PRPS1L1: variants seen among roughly 807,000 people sequenced by gnomAD.
The protein encoded by PRPS1L1 is phosphoribosyl pyrophosphate synthetase 1 like 1.
In PRPS1L1, 12 loss-of-function variants were observed where a neutral mutation model predicts 16.4. The observed-to-expected ratio is 0.73, with a 90% CI of 0.47 to 1.19. The LOEUF (loss-of-function observed/expected upper bound fraction) is 1.19. Ranked by LOEUF, PRPS1L1 falls within the 50% of genes most tolerant of loss-of-function variation. The probability of loss-of-function intolerance (pLI) is 0.00; values close to 1 mark genes in which losing one functional copy is unlikely to be tolerated. For synonymous variants in PRPS1L1, 153 were observed against 142.5 expected (o/e 1.07, Z -0.53); for missense variants, 408 against 395.8 (o/e 1.03, Z -0.26).
chr7:18,027,640 A>G lies in PRPS1L1; in HGVS notation c.143T>C (p.Val48Ala). The change falls in exon 1 of 1, where the codon GTG (valine) becomes GCG (alanine). Residue 48 changes from valine (V) to alanine (A), a missense_variant. Transcript: ENST00000506618. ...AACGATGTAGACATCCTCTCCACGC[A>G]CACTCTCATCAATTTCCACGCAGGT... 3 of 1,614,034 alleles carry G rather than the reference A, an allele frequency of 1.9e-6. No individual in the cohort carries two copies. The South Asian group carries it at 3.3e-5, about 18-fold the overall frequency.
At position 18,027,128 on chromosome 7, in the gene PRPS1L1, C is replaced by G. The variant is rs1274261360; in HGVS notation, c.655G>C (p.Val219Leu). 3.1e-6 allele frequency: 5 copies of G among 1,614,130 alleles called. No individual in the cohort carries two copies. Among genetic ancestry groups the G allele is most frequent in the Non-Finnish European group, 4.2e-6 (5 of 1,180,046 alleles). The change falls in exon 1 of 1, where the codon GTA (valine) becomes CTA (leucine). Residue 219 changes from valine (V) to leucine (L), a missense_variant. Val to Leu is a conservative substitution (Grantham distance 32). Transcript: ENST00000506618. ...ACACAAGTGTCTGCCATGTCATCTA[C>G]AAGGATAGCCACACGATCATTCACA...
Position 18,027,838 on chromosome 7 carries a change from A to G in PRPS1L1, c.-56T>C, listed in dbSNP as rs1406774428. The G allele has an allele frequency of 1.3e-6, 2 of 1,538,908 alleles. No individual in the cohort carries two copies. The highest frequency in any genetic ancestry group is 2.8e-5 in the African/African-American group (2 of 70,432). ...GCGATCCAGCTGCCGCTGAGGCTGG[A>G]ACGGAAGTGAAGCACAGACTCTAAT... On this transcript the variant is annotated 5_prime_UTR_variant, in exon 1 of 1. Transcript: ENST00000506618.
At position 18,027,146 on chromosome 7, in the gene PRPS1L1, C is replaced by A; in HGVS notation, c.637G>T (p.Asp213Tyr). Reference sequence around the variant, plus strand: ...TCATCTACAAGGATAGCCACACGATCATTCACATCTCCCACTAGCACTATG... The same window carrying A: ...TCATCTACAAGGATAGCCACACGATAATTCACATCTCCCACTAGCACTATG... Residue 213 changes from aspartate to tyrosine, a missense_variant, in exon 1 of 1, where the codon GAT becomes TAT. Coordinates refer to ENST00000506618, the MANE Select transcript of PRPS1L1 (RefSeq NM_175886.3). 6.8e-6 allele frequency: 11 copies of A among 1,614,240 alleles called. No homozygotes were observed. The highest frequency in any genetic ancestry group is 9.3e-6 in the Non-Finnish European group (11 of 1,180,042).
rs774012362 is a variant in PRPS1L1, at chr7:18,027,540, T to C, written c.243A>G (p.Ser81=). Residue 81 remains serine, a synonymous_variant, in exon 1 of 1, where the codon TCA becomes TCG. Coordinates refer to ENST00000506618, the MANE Select transcript of PRPS1L1 (RefSeq NM_175886.3). Reference sequence around the variant, plus strand: ...GGATGACTGCAGTAACTCGGCTAGCTGAAGCAATCTTGCAGGCATTAATCA... The same window carrying C: ...GGATGACTGCAGTAACTCGGCTAGCCGAAGCAATCTTGCAGGCATTAATCA... The C allele has an allele frequency of 3.1e-6, 5 of 1,614,074 alleles. No individual in the cohort carries two copies. Among genetic ancestry groups the C allele is most frequent in the Non-Finnish European group, 4.2e-6 (5 of 1,180,044 alleles).
chr7:18,027,341 C>G lies in PRPS1L1; in HGVS notation c.442G>C (p.Glu148Gln). The G allele has an allele frequency of 6.2e-7, 1 of 1,614,034 alleles. No individual in the cohort carries two copies. The highest frequency in any genetic ancestry group is 8.5e-7 in the Non-Finnish European group (1 of 1,179,990). Residue 148 changes from glutamate to glutamine, a missense_variant, in exon 1 of 1, where the codon GAG (glutamate) becomes CAG (glutamine). Glu to Gln is a conservative substitution (Grantham distance 29, BLOSUM62 2). Transcript: ENST00000506618. ...CTTATCCACTTCAGGACAGTTGGCTCTGCATACAAGTTGTCTACTGGGATA... is the reference window on the plus strand; with the variant it reads ...CTTATCCACTTCAGGACAGTTGGCTGTGCATACAAGTTGTCTACTGGGATA...
Position 18,026,945 on chromosome 7 carries a change from T to G in PRPS1L1, c.838A>C (p.Lys280Gln). The change falls in exon 1 of 1, where the codon AAG becomes CAG. Residue 280 changes from lysine (K) to glutamine (Q), a missense_variant. Coordinates refer to ENST00000506618, the MANE Select transcript of PRPS1L1 (RefSeq NM_175886.3). Reference sequence around the variant, plus strand: ...CGTATTTTGGAGCAATGCTTCATCTTCTCATCTTGAGGTATGGTATTGGTG... The same window carrying G: ...CGTATTTTGGAGCAATGCTTCATCTGCTCATCTTGAGGTATGGTATTGGTG... 3 of 1,614,200 alleles carry G rather than the reference T, an allele frequency of 1.9e-6. No individual in the cohort carries two copies. The highest frequency in any genetic ancestry group is 2.5e-6 in the Non-Finnish European group (3 of 1,180,018).
chr7:18,026,878 C>A lies in PRPS1L1; in HGVS notation c.905G>T (p.Arg302Ile). The stretch of plus-strand genomic sequence containing the variant: ...GGAAACAGATTCCCCATTATGAGTT[C>A]TCCTTATGGCTTCTGCAAGGATCAT... The change falls in exon 1 of 1, where the codon AGA (arginine) becomes ATA (isoleucine). Residue 302 changes from arginine to isoleucine, a missense_variant. Transcript: ENST00000506618. The A allele has an allele frequency of 1.2e-6, 2 of 1,613,072 alleles. No homozygotes were observed. Among genetic ancestry groups the A allele is most frequent in the East Asian group, 2.2e-5 (1 of 44,880 alleles).
rs1019886323 is a variant in PRPS1L1, at chr7:18,027,415, T to C, written c.368A>G (p.His123Arg). The C allele has an allele frequency of 3.1e-6, 5 of 1,614,116 alleles. No homozygotes were observed. The highest frequency in any genetic ancestry group is 2.2e-5 in the East Asian group (1 of 44,894). Residue 123 changes from histidine to arginine, a missense_variant, in exon 1 of 1, where the codon CAT (histidine) becomes CGT (arginine). Physicochemically the swap from His to Arg is conservative, Grantham distance 29. Coordinates refer to ENST00000506618, the MANE Select transcript of PRPS1L1 (RefSeq NM_175886.3). ...AGCATGTAGGTCCATGGTGATGATA[T>C]GATCCGCACCTGCTATAGAGAGCAT...
In PRPS1L1 at chr7:18,027,061, GC is replaced by G; in HGVS notation, c.721del (p.Ala241GlnfsTer8). 1.2e-6 allele frequency: 2 copies of G among 1,614,234 alleles called. No homozygotes were observed. Among genetic ancestry groups the G allele is most frequent in the African/African-American group, 2.7e-5 (2 of 75,064 alleles). On this transcript the variant is annotated frameshift_variant, in exon 1 of 1. Coordinates refer to ENST00000506618, the MANE Select transcript of PRPS1L1 (RefSeq NM_175886.3). LOFTEE classifies it high-confidence loss of function. Reference sequence around the variant, plus strand: ...AGTCAAGATAGCATAAACTCTGGTTGCTCCAGCTGAGAGAAGTTTGTCAGCT... The same window carrying G: ...AGTCAAGATAGCATAAACTCTGGTTGTCCAGCTGAGAGAAGTTTGTCAGCT...
In PRPS1L1 at chr7:18,027,147, A is replaced by T; in HGVS notation, c.636T>A (p.Asn212Lys). ...CATCTACAAGGATAGCCACACGATC[A>T]TTCACATCTCCCACTAGCACTATGC... Residue 212 changes from asparagine to lysine, a missense_variant, in exon 1 of 1, where the codon AAT becomes AAA. Physicochemically the swap from Asn to Lys is moderately conservative, Grantham distance 94 (BLOSUM62 0). Transcript: ENST00000506618. 1 of 1,614,254 alleles carries T rather than the reference A, an allele frequency of 6.2e-7. No individual in the cohort carries two copies. Among genetic ancestry groups the T allele is most frequent in the Non-Finnish European group, 8.5e-7 (1 of 1,180,044 alleles).
rs1278849971 is a variant in PRPS1L1, at chr7:18,027,274, G to A, written c.509C>T (p.Pro170Leu). The A allele has an allele frequency of 6.2e-7, 1 of 1,614,180 alleles. No homozygotes were observed. The highest frequency in any genetic ancestry group is 1.7e-5 in the Admixed American group (1 of 60,022). Residue 170 changes from proline to leucine, a missense_variant, in exon 1 of 1, where the codon CCA becomes CTA. Transcript: ENST00000506618. ...CACTCTTTTAGCTCCACCAGCATCT[G>A]GCGAGACAATAATGCAGTTCTTCCA... is the stretch of plus-strand genomic sequence containing the variant.
chr7:18,027,143 G>A lies in PRPS1L1; in HGVS notation c.640C>T (p.Arg214Cys), dbSNP rs768761052. Residue 214 changes from arginine to cysteine, a missense_variant, in exon 1 of 1, where the codon CGT (arginine) becomes TGT (cysteine). Coordinates refer to ENST00000506618, the MANE Select transcript of PRPS1L1 (RefSeq NM_175886.3). Reference sequence around the variant, plus strand: ...ATGTCATCTACAAGGATAGCCACACGATCATTCACATCTCCCACTAGCACT... The same window carrying A: ...ATGTCATCTACAAGGATAGCCACACAATCATTCACATCTCCCACTAGCACT... The A allele has an allele frequency of 4.3e-6, 7 of 1,614,202 alleles. No individual in the cohort carries two copies. Among genetic ancestry groups the A allele is most frequent in the Admixed American group, 1.7e-5 (1 of 60,020 alleles).
chr7:18,027,163 A>G lies in PRPS1L1; in HGVS notation c.620T>C (p.Leu207Pro). ...CACACGATCATTCACATCTCCCACT[A>G]GCACTATGCAGTCCACTTCATTGGC... Residue 207 changes from leucine to proline, a missense_variant, in exon 1 of 1, where the codon CTA becomes CCA. By Grantham distance (98) the Leu-to-Pro change is moderately conservative. Coordinates refer to ENST00000506618, the MANE Select transcript of PRPS1L1 (RefSeq NM_175886.3). 6.2e-7 allele frequency: 1 copy of G among 1,614,242 alleles called. No individual in the cohort carries two copies. The highest frequency in any genetic ancestry group is 8.5e-7 in the Non-Finnish European group (1 of 1,180,044).
Position 18,027,164 on chromosome 7 carries a change from G to A in PRPS1L1, c.619C>T (p.Leu207=). ...ACACGATCATTCACATCTCCCACTA[G>A]CACTATGCAGTCCACTTCATTGGCC... Residue 207 remains leucine, a synonymous_variant, in exon 1 of 1, where the codon CTA becomes TTA. Coordinates refer to ENST00000506618, the MANE Select transcript of PRPS1L1 (RefSeq NM_175886.3). 6.2e-7 allele frequency: 1 copy of A among 1,614,216 alleles called. No individual in the cohort carries two copies. The highest frequency in any genetic ancestry group is 8.5e-7 in the Non-Finnish European group (1 of 1,180,050).
rs948237895 is a variant in PRPS1L1, at chr7:18,027,276, C to G, written c.507G>C (p.Ser169=). The G allele has an allele frequency of 6.2e-7, 1 of 1,614,178 alleles. No individual in the cohort carries two copies. Among genetic ancestry groups the G allele is most frequent in the Non-Finnish European group, 8.5e-7 (1 of 1,180,032 alleles). The change falls in exon 1 of 1, where the codon TCG becomes TCC. Residue 169 remains serine (S), a synonymous_variant. Transcript: ENST00000506618. ...CTCTTTTAGCTCCACCAGCATCTGG[C>G]GAGACAATAATGCAGTTCTTCCACT...
chr7:18,026,936 G>A lies in PRPS1L1; in HGVS notation c.847C>T (p.His283Tyr), dbSNP rs1345972445. 6.2e-7 allele frequency: 1 copy of A among 1,614,160 alleles called. No homozygotes were observed. Among genetic ancestry groups the A allele is most frequent in the Admixed American group, 1.7e-5 (1 of 60,032 alleles). The change falls in exon 1 of 1, where the codon CAT becomes TAT. Residue 283 changes from histidine to tyrosine, a missense_variant. Transcript: ENST00000506618. ...TCAATTACTCGTATTTTGGAGCAAT[G>A]CTTCATCTTCTCATCTTGAGGTATG...
At position 18,026,838 on chromosome 7, in the gene PRPS1L1, A is replaced by G; in HGVS notation, c.945T>C (p.His315=). 6.3e-7 allele frequency: 1 copy of G among 1,594,512 alleles called. No individual in the cohort carries two copies. The highest frequency in any genetic ancestry group is 2.2e-5 in the East Asian group (1 of 44,744). The change falls in exon 1 of 1, where the codon CAT becomes CAC. Residue 315 remains histidine, a synonymous_variant. Coordinates refer to ENST00000506618, the MANE Select transcript of PRPS1L1 (RefSeq NM_175886.3). Reference sequence around the variant, plus strand: ...AGAAGTTATTCTGTTATAAAGGAACATGGCTGAACAGGTAGGAAACAGATT... The same window carrying G: ...AGAAGTTATTCTGTTATAAAGGAACGTGGCTGAACAGGTAGGAAACAGATT...
chr7:18,027,539 C>G lies in PRPS1L1; in HGVS notation c.244G>C (p.Ala82Pro). ...GGGATGACTGCAGTAACTCGGCTAG[C>G]TGAAGCAATCTTGCAGGCATTAATC... Residue 82 changes from alanine to proline, a missense_variant, in exon 1 of 1, where the codon GCT (alanine) becomes CCT (proline). Physicochemically the swap from Ala to Pro is conservative, Grantham distance 27 (BLOSUM62 -1). Coordinates refer to ENST00000506618, the MANE Select transcript of PRPS1L1 (RefSeq NM_175886.3). 1 of 1,614,164 alleles carries G rather than the reference C, an allele frequency of 6.2e-7. No homozygotes were observed. The highest frequency in any genetic ancestry group is 8.5e-7 in the Non-Finnish European group (1 of 1,180,044).
rs1488175918 is a variant in PRPS1L1, at chr7:18,027,183, A to T, written c.600T>A (p.Asn200Lys). Residue 200 changes from asparagine (N) to lysine (K), a missense_variant, in exon 1 of 1, where the codon AAT (asparagine) becomes AAA (lysine). By Grantham distance (94) the Asn-to-Lys change is moderately conservative (BLOSUM62 0). Coordinates refer to ENST00000506618, the MANE Select transcript of PRPS1L1 (RefSeq NM_175886.3). ...CCACTAGCACTATGCAGTCCACTTC[A>T]TTGGCCTTCTTCCGTTCTTTATGAA... The T allele has an allele frequency of 6.2e-7, 1 of 1,614,130 alleles. No individual in the cohort carries two copies. Among genetic ancestry groups the T allele is most frequent in the Non-Finnish European group, 8.5e-7 (1 of 1,180,052 alleles).
Sources: gnomAD v4.1 joint callset for allele counts on GRCh38, gnomAD v4.1.1 for gene constraint, MANE v1.5 for transcripts, NCBI Gene and HGNC (gene_info 2026-07-23, HGNC 2026-07-21) for gene names.